ABCA13: variants seen among roughly 807,000 people sequenced by gnomAD.
The protein encoded by ABCA13 is ATP binding cassette subfamily A member 13.
Under a neutral mutation model 478.7 loss-of-function variants are expected in ABCA13, and 476 were observed. That is an observed-to-expected ratio of 0.99 (90% CI 0.92 to 1.07). The LOEUF is 1.07. ABCA13 is among the 50% of genes least tolerant of loss of function. The probability of loss-of-function intolerance (pLI) is 0.00; values close to 1 mark genes in which losing one functional copy is unlikely to be tolerated. For synonymous variants in ABCA13, 2,252 were observed against 2,158.9 expected, an observed-to-expected ratio of 1.04 and a Z score of -1.20; for missense variants, 6,060 against 5,910.6, an observed-to-expected ratio of 1.03 and a Z score of -0.83.
At chr7:48,514,164 C>T (rs1439465074) in intron 51 of ABCA13, among the ~76,000 whole-genome samples, 3 of 152,080 alleles carry the variant, frequency 2.0e-5, no homozygotes, top group Non-Finnish European at 4.4e-5. Context: ...GCTGCTGTAC[C>T]CTTAGATTGT....
intron 3 of ABCA13, among the ~76,000 whole-genome samples, chr7:48,199,135 G>A (rs568377907): frequency 1.3e-5 from 2 of 152,280 alleles, no homozygotes; most frequent in East Asian, 3.9e-4. Flanking sequence ...ATATTTAAAT[G>A]TAAAGCAAAT....
At chr7:48,383,841 T>A (rs1313561322) in intron 35 of ABCA13, among the ~76,000 whole-genome samples, 1 of 152,200 alleles carries the variant, frequency 6.6e-6, no homozygotes, top group Non-Finnish European at 1.5e-5. Flanking sequence ...CCCTCTGTTT[T>A]AAAAAAATAT....
chr7:48,247,097 A>G (rs1584422916), intron 13 of ABCA13, among the ~76,000 whole-genome samples: 1 of 151,902 alleles, frequency 6.6e-6, no homozygotes, highest in African/African-American at 2.4e-5. Context: ...AATTAGCCAG[A>G]TGTGGTGGCA....
chr7:48,313,350 A>G, intron 25 of ABCA13, 119 bp downstream of exon 25: 2 of 1,013,752 alleles, frequency 2.0e-6, no homozygotes, highest in Non-Finnish European at 2.8e-6. Context: ...AAATACAGGA[A>G]TGAAAGTACC....
chr7:48,313,989 G>A (rs1180639247), intron 25 of ABCA13, among the ~76,000 whole-genome samples: 4 of 148,290 alleles, frequency 2.7e-5, no homozygotes, highest in African/African-American at 1.1e-4. Context: ...GTGTATGTGT[G>A]TGTGTGTGTG....
chr7:48,254,723 G>A (rs1793130295), intron 15 of ABCA13, among the ~76,000 whole-genome samples: 1 of 152,084 alleles, frequency 6.6e-6, no homozygotes, highest in South Asian at 2.1e-4. Context: ...GAAACTTTGT[G>A]AGAGCTCAAT....
At chr7:48,590,237 G>T (rs1350141470) in intron 57 of ABCA13, among the ~76,000 whole-genome samples, 1 of 151,410 alleles carries the variant, frequency 6.6e-6, no homozygotes, top group East Asian at 1.9e-4. Context: ...AAAATGGAAG[G>T]ATTTCCTTAT....
intron 1 of ABCA13, among the ~76,000 whole-genome samples, chr7:48,172,107 A>G (rs1009330438): frequency 1.3e-5 from 2 of 152,254 alleles, no homozygotes; most frequent in African/African-American, 4.8e-5. Flanking sequence ...GAATTGTTCA[A>G]ATGAAACTTG....
intron 11 of ABCA13, among the ~76,000 whole-genome samples, chr7:48,245,039 G>A (rs1027586862): frequency 3.4e-4 from 52 of 152,172 alleles, no homozygotes; most frequent in African/African-American, 1.2e-3. Context: ...ACCAGAGTGC[G>A]TTGTGAATAA....
intron 31 of ABCA13, among the ~76,000 whole-genome samples, chr7:48,367,387 C>T (rs1811841839): frequency 6.6e-6 from 1 of 152,074 alleles, no homozygotes; most frequent in African/African-American, 2.4e-5. Flanking sequence ...CTTTCATTTG[C>T]CAATTTTCAC....
At chr7:48,219,636 G>C in intron 4 of ABCA13, 131 bp downstream of exon 4, 1 of 1,212,710 alleles carries the variant, frequency 8.2e-7, no homozygotes, top group South Asian at 1.6e-5. Flanking sequence ...GTGAGTCTTT[G>C]ATGGATGAGG....
At chr7:48,278,060 TA>T in intron 17 of ABCA13, 33 bp from the exon 18 acceptor site, 1 of 776,324 alleles carries the variant, frequency 1.3e-6, no homozygotes, top group African/African-American at 1.9e-5. Context: ...TATTAAAAAT[TA>T]AATTAAAAGT....
intron 8 of ABCA13, among the ~76,000 whole-genome samples, chr7:48,238,715 G>T (rs188727629): frequency 1.3e-5 from 2 of 152,222 alleles, no homozygotes; most frequent in East Asian, 1.9e-4. Context: ...TGATCCACCC[G>T]CCTCGGCCTC....
chr7:48,388,895 T>G (rs1332493757), intron 36 of ABCA13, 145 bp from the exon 37 acceptor site: 1 of 909,836 alleles, frequency 1.1e-6, no homozygotes, highest in African/African-American at 1.7e-5. Flanking sequence ...CTTCTTGTTC[T>G]TGCTAAAGAA....
intron 55 of ABCA13, among the ~76,000 whole-genome samples, chr7:48,533,484 G>A (rs1208185526): frequency 2.0e-5 from 3 of 151,986 alleles, no homozygotes; most frequent in African/African-American, 7.2e-5. Context: ...GCACATGAAT[G>A]TTCTGTAATC....
intron 59 of ABCA13, among the ~76,000 whole-genome samples, chr7:48,624,763 C>T (rs751261208): frequency 5.3e-5 from 8 of 152,138 alleles, no homozygotes; most frequent in Non-Finnish European, 1.0e-4. Context: ...CCATGTTGGT[C>T]AGGCAGGTCT....
chr7:48,239,061 CTT>C lies in ABCA13; in HGVS notation c.898-170_898-169del, dbSNP rs899482121. 5.4e-5 allele frequency among the ~76,000 whole-genome samples: 8 copies of C among 148,240 alleles called. No individual in the cohort carries two copies. The East Asian group carries it at 1.6e-3, about 29-fold the overall frequency. On this transcript the variant is annotated intron_variant, in intron 8 of 61. Coordinates refer to ENST00000435803, the MANE Select transcript of ABCA13 (RefSeq NM_152701.5). ...TTGTGGATGAAACTGAAAAATATAA[CTT>C]TTTTTTTTTAACTACCAAGTCTTCC...
chr7:48,473,068 C>T (rs900307673), intron 45 of ABCA13, among the ~76,000 whole-genome samples: 7 of 152,090 alleles, frequency 4.6e-5, no homozygotes, highest in African/African-American at 1.7e-4. Flanking sequence ...AATGGGTTTC[C>T]CCTTATCAAA....
intron 55 of ABCA13, among the ~76,000 whole-genome samples, chr7:48,575,602 A>G (rs1454482323): frequency 6.6e-6 from 1 of 152,188 alleles, no homozygotes; most frequent in Non-Finnish European, 1.5e-5. Flanking sequence ...ATGATGAGTA[A>G]GAGAATGGTA....
Sources: allele counts gnomAD v4.1 joint callset (sites outside exome capture counted in the v4.1 genomes callset), GRCh38; gene constraint gnomAD v4.1.1; transcripts MANE v1.5; gene names NCBI Gene and HGNC (gene_info 2026-07-23, HGNC 2026-07-21).